TAAR1: variants seen among roughly 807,000 people sequenced by gnomAD.
TAAR1 encodes trace amine-associated receptor 1.
In TAAR1, 1 loss-of-function variant was observed where a neutral mutation model predicts 1.2. The ratio of observed to expected loss-of-function variants is 0.81; its 90% CI spans 0.29 to 3.86. TAAR1 has a LOEUF of 3.86. Among genes scored for constraint, TAAR1 ranks in the 30% most tolerant of loss-of-function variants. The probability of loss-of-function intolerance (pLI) is 0.18; values close to 1 mark genes in which losing one functional copy is unlikely to be tolerated. For synonymous variants in TAAR1, 153 were observed against 132.2 expected (o/e 1.16, Z -1.08); for missense variants, 445 against 405.6 (o/e 1.10, Z -0.83).
intron 1 of TAAR1, among the ~76,000 whole-genome samples, chr6:132,654,806 G>A (rs1777785404): frequency 6.6e-6 from 1 of 152,132 alleles, no homozygotes; most frequent in South Asian, 2.1e-4. Context: ...GACTAATAAT[G>A]ACCTCTGCAC....
chr6:132,645,438 A>G lies in TAAR1; in HGVS notation c.566T>C (p.Ile189Thr), dbSNP rs1777654192. ...AGTCATAAAGGTCAGTACCCCAGAT[A>G]TTTTGCTAAAGAAGACAGAGCAACC... is the stretch of plus-strand genomic sequence containing the variant. ...RGGCSVFFSK[I>T]SGVLTFMTSF... Residue 189 changes from isoleucine to threonine, a missense_variant, in exon 2 of 2, where the codon ATA becomes ACA. Coordinates refer to ENST00000275216, the MANE Select transcript of TAAR1 (RefSeq NM_138327.4). The G allele has an allele frequency of 6.2e-7, 1 of 1,613,644 alleles. No homozygotes were observed.
rs566427862 is a variant in TAAR1, at chr6:132,656,311, G to A, written c.-127+2819C>T. ...AAGTAAACATCCAAGAGTAATGCAA[G>A]GGAAATCAAGGTGCTGTGTCAAGAA... On this transcript the variant is annotated intron_variant, in intron 1 of 1. Coordinates refer to ENST00000275216, the MANE Select transcript of TAAR1 (RefSeq NM_138327.4). Among the ~76,000 whole-genome samples the A allele has an allele frequency of 2.6e-5, 4 of 152,268 alleles. No individual in the cohort carries two copies. The South Asian group carries it at 8.3e-4, about 32-fold the overall frequency.
chr6:132,650,849 A>T (rs1035821864), intron 1 of TAAR1, among the ~76,000 whole-genome samples: 1 of 152,062 alleles, frequency 6.6e-6, no homozygotes, highest in South Asian at 2.1e-4. Flanking sequence ...TTCACTCTCA[A>T]ATATGCAGTA....
rs192007858 is a variant in TAAR1, at chr6:132,654,465, C to G, written c.-127+4665G>C. Among the ~76,000 whole-genome samples the G allele has an allele frequency of 1.9e-4, 29 of 152,320 alleles. No individual in the cohort carries two copies. The Middle Eastern group carries it at 0.01, about 54-fold the overall frequency. ...TGTAGTTTGGTCTCTTCCTACAAAT[C>G]TGTAGCCCTAAAATAATGTACCTTT... On this transcript the variant is annotated intron_variant, in intron 1 of 1. Coordinates refer to ENST00000275216, the MANE Select transcript of TAAR1 (RefSeq NM_138327.4).
rs1371859812 is a variant in TAAR1 at position 132,645,206 on chromosome 6, A to G, written c.798T>C (p.Pro266=). 1 of 1,613,398 alleles carries G rather than the reference A, an allele frequency of 6.2e-7. No individual in the cohort carries two copies. The highest frequency in any genetic ancestry group is 2.2e-5 in the East Asian group (1 of 44,862). ...VMGVFLICWC[P]FFICTVMDPF... is the part of the protein sequence containing the mutation. ...GGTCCATGACTGTACAGATAAAGAA[A>G]GGGCACCAGCATATTAGGAAAACTC... Residue 266 remains proline (P), a synonymous_variant, in exon 2 of 2, where the codon CCT becomes CCC. Coordinates refer to ENST00000275216, the MANE Select transcript of TAAR1 (RefSeq NM_138327.4).
chr6:132,647,478 A>T (rs1036236589), intron 1 of TAAR1, among the ~76,000 whole-genome samples: 1 of 150,240 alleles, frequency 6.7e-6, no homozygotes, highest in South Asian at 2.1e-4. Context: ...AAAGAGAGAG[A>T]AAGAAAGGAA....
chr6:132,648,354 T>C (rs1316166854), intron 1 of TAAR1, among the ~76,000 whole-genome samples: 1 of 152,166 alleles, frequency 6.6e-6, no homozygotes, highest in Non-Finnish European at 1.5e-5. Flanking sequence ...GGACTCTCAG[T>C]AGGAACTAGG....
Position 132,644,910 on chromosome 6 carries a change from T to G in TAAR1, c.*74A>C. On this transcript the variant is annotated 3_prime_UTR_variant, in exon 2 of 2. Transcript: ENST00000275216. ...TTTAAAAAAAAATCCATGTGGTTGG[T>G]GCATGTGGTTCGTTATGTTGTGTTC... 8.1e-7 allele frequency: 1 copy of G among 1,233,760 alleles called. No homozygotes were observed. Among genetic ancestry groups the G allele is most frequent in the Non-Finnish European group, 1.1e-6 (1 of 908,562 alleles). The allele number at this position is 1,233,760 out of a possible 1,614,324, so 76.4% of individuals were successfully genotyped here.
intron 1 of TAAR1, among the ~76,000 whole-genome samples, chr6:132,650,148 G>A (rs1777734673): frequency 6.6e-6 from 1 of 152,232 alleles, no homozygotes; most frequent in Admixed American, 6.5e-5. Flanking sequence ...TTCACATCCT[G>A]TCCTCCCAGC....
At chr6:132,650,794 C>T (rs1409892164) in intron 1 of TAAR1, among the ~76,000 whole-genome samples, 3 of 152,162 alleles carry the variant, frequency 2.0e-5, no homozygotes, top group Non-Finnish European at 2.9e-5. Context: ...ATATACCCTC[C>T]AACTCTCTCT....
chr6:132,647,666 A>AAG (rs1777699945), intron 1 of TAAR1, among the ~76,000 whole-genome samples: 1 of 147,674 alleles, frequency 6.8e-6, no homozygotes, highest in Non-Finnish European at 1.5e-5. Flanking sequence ...GAAAGAAAGA[A>AAG]AGAAAGAAAG....
At chr6:132,651,917 A>C (rs1219349120) in intron 1 of TAAR1, among the ~76,000 whole-genome samples, 1 of 152,198 alleles carries the variant, frequency 6.6e-6, no homozygotes, top group Non-Finnish European at 1.5e-5. Flanking sequence ...GACATGCTGC[A>C]TCTGTGCCTG....
At chr6:132,648,711 A>G (rs965411030) in intron 1 of TAAR1, among the ~76,000 whole-genome samples, 9 of 152,346 alleles carry the variant, frequency 5.9e-5, no homozygotes, top group Admixed American at 3.9e-4. Context: ...TAAGTGCTCT[A>G]TGACAACATT....
intron 1 of TAAR1, among the ~76,000 whole-genome samples, chr6:132,657,847 C>A (rs995933090): frequency 2.0e-5 from 3 of 151,938 alleles, no homozygotes; most frequent in Admixed American, 6.6e-5. Flanking sequence ...TTCTAAGTTT[C>A]TTTCTATGGG....
Position 132,645,960 on chromosome 6 carries a change from T to C in TAAR1, c.44A>G (p.Lys15Arg), listed in dbSNP as rs1199116910. Residue 15 changes from lysine (K) to arginine (R), a missense_variant, in exon 2 of 2, where the codon AAA (lysine) becomes AGA (arginine). Lys to Arg is a conservative substitution (Grantham distance 26, BLOSUM62 2). Coordinates refer to ENST00000275216, the MANE Select transcript of TAAR1 (RefSeq NM_138327.4). ...CHNIINISCV[K>R]NNWSNDVRAS... is the part of the protein sequence containing the mutation. ...ACGGACATCATTTGACCAGTTGTTT[T>C]TCACACAGGAAATATTAATTATATT... 3 of 1,609,118 alleles carry C rather than the reference T, an allele frequency of 1.9e-6. No individual in the cohort carries two copies. In the East Asian group the frequency reaches 6.7e-5, roughly 36 times the overall value.
intron 1 of TAAR1, among the ~76,000 whole-genome samples, chr6:132,653,803 G>T (rs934401203): frequency 6.6e-6 from 1 of 152,112 alleles, no homozygotes; most frequent in Non-Finnish European, 1.5e-5. Context: ...TGAACCCACA[G>T]AAACCATCAC....
chr6:132,644,579 A>C lies in TAAR1; in HGVS notation c.*405T>G, dbSNP rs569582541. ...TACTTTTAGTTGATTTTACTAAAAG[A>C]CTTATACACATATGTGACCAGGACA... is the stretch of plus-strand genomic sequence containing the variant. On this transcript the variant is annotated 3_prime_UTR_variant, in exon 2 of 2. Coordinates refer to ENST00000275216, the MANE Select transcript of TAAR1 (RefSeq NM_138327.4). Among the ~76,000 whole-genome samples the C allele has an allele frequency of 2.4e-4, 37 of 152,166 alleles. No homozygotes were observed. The highest frequency in any genetic ancestry group is 8.4e-4 in the African/African-American group (35 of 41,536).
intron 1 of TAAR1, among the ~76,000 whole-genome samples, chr6:132,656,862 A>G (rs1410977117): frequency 1.3e-5 from 2 of 152,210 alleles, no homozygotes; most frequent in Admixed American, 1.3e-4. Context: ...GGGTGATCAT[A>G]TAAGAGTAAA....
chr6:132,654,315 G>C (rs910694391), intron 1 of TAAR1, among the ~76,000 whole-genome samples: 2 of 152,168 alleles, frequency 1.3e-5, no homozygotes, highest in African/African-American at 4.8e-5. Context: ...AGTGTTTCTG[G>C]GGAAATAGAC....
Sources: allele counts gnomAD v4.1 joint callset (sites outside exome capture counted in the v4.1 genomes callset), GRCh38; gene constraint gnomAD v4.1.1; transcripts MANE v1.5; gene names NCBI Gene and HGNC (gene_info 2026-07-23, HGNC 2026-07-21).